Variants in PARVA observed in about 807,000 individuals in gnomAD.
PARVA encodes parvin alpha.
PARVA carries 25 observed loss-of-function variants against 52.6 expected under a neutral mutation model. The observed-to-expected ratio is 0.48, with a 90% CI of 0.35 to 0.66. The LOEUF (loss-of-function observed/expected upper bound fraction) is 0.66, where lower values mean the gene tolerates loss of function less well. PARVA is among the 30% of genes least tolerant of loss of function. The pLI, the probability that PARVA is intolerant of heterozygous loss-of-function variation, is 0.01. For synonymous variants in PARVA, 185 were observed against 179.1 expected (o/e 1.03, Z -0.26); for missense variants, 373 against 450.9 (o/e 0.83, Z 1.56).
At chr11:12,456,751 C>A (rs570620357) in intron 1 of PARVA, among the ~76,000 whole-genome samples, 1 of 152,118 alleles carries the variant, frequency 6.6e-6, no homozygotes, top group East Asian at 1.9e-4. Context: ...CCTCTTGAGG[C>A]CCTCCCTGAT....
chr11:12,517,043 C>T (rs1236054575), intron 10 of PARVA, among the ~76,000 whole-genome samples: 1 of 152,072 alleles, frequency 6.6e-6, no homozygotes, highest in Non-Finnish European at 1.5e-5. Context: ...CAGATCTCCC[C>T]AGGAACCTCA....
intron 4 of PARVA, among the ~76,000 whole-genome samples, chr11:12,490,547 A>C (rs925325264): frequency 5.9e-5 from 9 of 152,024 alleles, no homozygotes; most frequent in African/African-American, 2.2e-4. Context: ...AGAGAAAATA[A>C]AGGCATTTTC....
chr11:12,517,017 C>G (rs1941576159), intron 10 of PARVA, among the ~76,000 whole-genome samples: 1 of 152,108 alleles, frequency 6.6e-6, no homozygotes, highest in Admixed American at 6.5e-5. Context: ...CTAGTCCTTT[C>G]TCTGTTCAGA....
intron 12 of PARVA, among the ~76,000 whole-genome samples, chr11:12,527,341 A>T (rs779010258): frequency 6.5e-5 from 9 of 137,962 alleles, no homozygotes; most frequent in Non-Finnish European, 1.5e-4. Context: ...AGGGAATGGT[A>T]GCATAGAAGC....
At chr11:12,508,947 A>T (rs1195247770) in intron 7 of PARVA, among the ~76,000 whole-genome samples, 1 of 152,098 alleles carries the variant, frequency 6.6e-6, no homozygotes, top group Non-Finnish European at 1.5e-5. Flanking sequence ...TCATGCCATA[A>T]ACACTGGGTT....
intron 1 of PARVA, among the ~76,000 whole-genome samples, chr11:12,457,022 T>C (rs1437425966): frequency 6.6e-6 from 1 of 152,236 alleles, no homozygotes; most frequent in East Asian, 1.9e-4. Context: ...CACTCTATGC[T>C]TATATTGTGC....
At chr11:12,463,973 C>T (rs1200177996) in intron 1 of PARVA, among the ~76,000 whole-genome samples, 1 of 92,706 alleles carries the variant, frequency 1.1e-5, no homozygotes, top group Non-Finnish European at 1.9e-5. Flanking sequence ...TCTGACATCC[C>T]TCCTTTTTTT....
chr11:12,415,139 A>G (rs1279896354), intron 1 of PARVA, among the ~76,000 whole-genome samples: 1 of 151,974 alleles, frequency 6.6e-6, no homozygotes, highest in Non-Finnish European at 1.5e-5. Flanking sequence ...ACTTAGGGAG[A>G]GAGTTTATTT....
intron 4 of PARVA, among the ~76,000 whole-genome samples, chr11:12,493,732 G>A (rs1941261215): frequency 6.6e-6 from 1 of 152,198 alleles, no homozygotes; most frequent in Non-Finnish European, 1.5e-5. Context: ...AGTAAGGTGT[G>A]AAATCCAATA....
chr11:12,517,359 G>A (rs1941581979), intron 10 of PARVA, among the ~76,000 whole-genome samples: 1 of 122,264 alleles, frequency 8.2e-6, no homozygotes, highest in African/African-American at 3.2e-5. Flanking sequence ...TAGACCAGGA[G>A]TTGGTACACA....
chr11:12,525,835 G>A (rs1319767139), intron 12 of PARVA, among the ~76,000 whole-genome samples: 1 of 152,120 alleles, frequency 6.6e-6, no homozygotes, highest in Non-Finnish European at 1.5e-5. Flanking sequence ...ATCAGTAGGA[G>A]ACCTTGGGCC....
Position 12,443,169 on chromosome 11 carries a change from C to CTT in PARVA, c.137-30556_137-30555dup, listed in dbSNP as rs1180380526. 5.5e-3 allele frequency among the ~76,000 whole-genome samples: 430 copies of CTT among 78,286 alleles called. 11 individuals carry two copies. Among genetic ancestry groups the CTT allele is most frequent in the East Asian group, 6.9e-3 (17 of 2,466 alleles). 51.4% of individuals were successfully genotyped at this position (78,286 alleles called of 152,430 possible). ...AGCCACCATGCCCGGCGCCCCCCTT[C>CTT]TTTTTTTTTTTTTTTTTTTTTGAGA... On this transcript the variant is annotated intron_variant, in intron 1 of 12. Transcript: ENST00000334956.
At chr11:12,513,843 C>A (rs1941534004) in intron 9 of PARVA, 154 bp from the exon 10 acceptor site, 1 of 665,082 alleles carries the variant, frequency 1.5e-6, no homozygotes, top group East Asian at 2.7e-5. Flanking sequence ...ACTCAATGGC[C>A]TTTGCAGAGA....
At chr11:12,387,311 G>A (rs1939586698) in intron 1 of PARVA, among the ~76,000 whole-genome samples, 1 of 152,330 alleles carries the variant, frequency 6.6e-6, no homozygotes, top group South Asian at 2.1e-4. Context: ...GCCCTAGGCA[G>A]CATCCTTTCT....
intron 4 of PARVA, among the ~76,000 whole-genome samples, chr11:12,484,179 G>A (rs1161536840): frequency 3.3e-5 from 5 of 152,180 alleles, no homozygotes; most frequent in South Asian, 4.1e-4. Context: ...TGGGATAAGC[G>A]ATTCCAGGAA....
intron 1 of PARVA, among the ~76,000 whole-genome samples, chr11:12,469,759 T>C (rs75202313): frequency 0.02 from 3,076 of 152,310 alleles, 122 homozygotes; most frequent in African/African-American, 0.069. Context: ...ATTGCAAACA[T>C]ATCTTGGCCT....
chr11:12,463,854 A>G (rs1437379810), intron 1 of PARVA, among the ~76,000 whole-genome samples: 2 of 152,156 alleles, frequency 1.3e-5, no homozygotes, highest in African/African-American at 4.8e-5. Flanking sequence ...TCAGATTGTT[A>G]TAATACAATT....
chr11:12,523,328 C>G (rs1483944814), intron 12 of PARVA, among the ~76,000 whole-genome samples: 1 of 152,138 alleles, frequency 6.6e-6, no homozygotes, highest in East Asian at 1.9e-4. Context: ...GGCCACCTAA[C>G]TGATTCCAGC....
At chr11:12,442,237 C>A (rs1940477272) in intron 1 of PARVA, among the ~76,000 whole-genome samples, 1 of 152,234 alleles carries the variant, frequency 6.6e-6, no homozygotes, top group Non-Finnish European at 1.5e-5. Context: ...TGCTGCTGTC[C>A]AGCTGAACAA....
Sources: allele counts gnomAD v4.1 joint callset (sites outside exome capture counted in the v4.1 genomes callset), GRCh38; gene constraint gnomAD v4.1.1; transcripts MANE v1.5; gene names NCBI Gene and HGNC (gene_info 2026-07-23, HGNC 2026-07-21).